Variants in CLSPN observed in about 807,000 individuals in gnomAD.
CLSPN encodes the protein claspin.
A neutral mutation model predicts 156.3 loss-of-function variants in CLSPN; 85 were observed. The ratio of observed to expected loss-of-function variants is 0.54; its 90% CI spans 0.46 to 0.65. The LOEUF (loss-of-function observed/expected upper bound fraction) is 0.65, where lower values mean the gene tolerates loss of function less well. Ranked by LOEUF, CLSPN falls within the 30% of genes least tolerant of loss-of-function variation. CLSPN has a pLI of 0.00. For synonymous variants in CLSPN, 534 were observed against 542.4 expected (o/e 0.98, Z 0.22); for missense variants, 1,407 against 1,554.9 (o/e 0.90, Z 1.60).
intron 8 of CLSPN, 107 bp downstream of exon 8, chr1:35,760,235 A>C (rs2148624974): frequency 1.2e-6 from 1 of 820,510 alleles, no homozygotes; most frequent in Middle Eastern, 2.3e-4. Context: ...GATAAGATCA[A>C]AGTGGTTATT....
At chr1:35,744,940 A>G (rs1182612492) in intron 16 of CLSPN, among the ~76,000 whole-genome samples, 1 of 152,060 alleles carries the variant, frequency 6.6e-6, no homozygotes, top group Admixed American at 6.5e-5. Flanking sequence ...CAGCCTCCCA[A>G]GTAGCTGGGA....
rs1290894382 is a variant in CLSPN, at chr1:35,738,535, GATC to G, written c.3475_3477del (p.Asp1159del). 9.3e-6 allele frequency: 15 copies of G among 1,613,776 alleles called. No homozygotes were observed. The highest frequency in any genetic ancestry group is 1.3e-5 in the Non-Finnish European group (15 of 1,179,864). ...GACTCATCAAGCTGTTCTTCAGTCT[GATC>G]ATCATCAGAGTCTCTGTGGAACAAG... On this transcript the variant is annotated inframe_deletion, in exon 21 of 25. Transcript: ENST00000318121.
exon 25 of CLSPN, chr1:35,720,930 G>C (rs1344577415): frequency 6.2e-7 from 1 of 1,612,298 alleles, no homozygotes; most frequent in South Asian, 1.1e-5. Flanking sequence ...AGAATCCAGG[G>C]ATAGGAGCTC....
At chr1:35,763,791 G>GT (rs377655769) in intron 3 of CLSPN, among the ~76,000 whole-genome samples, 24 of 140,374 alleles carry the variant, frequency 1.7e-4, no homozygotes, top group Admixed American at 7.6e-5. Flanking sequence ...TGTTTTTTTG[G>GT]TTTTTGTTTT....
intron 20 of CLSPN, 145 bp downstream of exon 20, chr1:35,738,991 G>A (rs1641588812): frequency 1.1e-6 from 1 of 891,986 alleles, no homozygotes; most frequent in Non-Finnish European, 1.7e-6. Context: ...AGTAGGGACG[G>A]GGTTTCACCA....
In CLSPN at chr1:35,743,161, A is replaced by C. The variant is rs760819417; in HGVS notation, c.3123T>G (p.Ser1041=). ...DDDEEELLKR[S]EKLKRQMRLR... is the part of the protein sequence containing the mutation. The stretch of plus-strand genomic sequence containing the variant: ...CGTACATTTGCCTTTTCAACTTCTC[A>C]GATCGCTTCAGGAGTTCTTCTTCAT... Residue 1041 remains serine (S), a synonymous_variant, in exon 18 of 25, where the codon TCT becomes TCG. Coordinates refer to ENST00000318121, the MANE Select transcript of CLSPN (RefSeq NM_022111.4). 1 of 1,613,890 alleles carries C rather than the reference A, an allele frequency of 6.2e-7. No homozygotes were observed.
intron 23 of CLSPN, 109 bp from the exon 24 acceptor site, chr1:35,737,184 T>C (rs1009938431): frequency 2.4e-4 from 305 of 1,262,760 alleles, no homozygotes; most frequent in Middle Eastern, 1.9e-3. Flanking sequence ...ATGCCTACCC[T>C]ATTCAAATAG....
At chr1:35,750,393 A>G (rs12735258) in intron 10 of CLSPN, among the ~76,000 whole-genome samples, 11,611 of 151,586 alleles carry the variant, frequency 0.077, 569 homozygotes, top group Non-Finnish European at 0.12. Context: ...TACAAAAAGG[A>G]AAGTTTTTTT....
chr1:35,757,801 T>C (rs1396663354), intron 8 of CLSPN, among the ~76,000 whole-genome samples: 1 of 152,200 alleles, frequency 6.6e-6, no homozygotes, highest in Non-Finnish European at 1.5e-5. Context: ...CACCTGAACC[T>C]CCAGCCCTGG....
At chr1:35,743,993 G>A (rs1335362432) in intron 16 of CLSPN, among the ~76,000 whole-genome samples, 1 of 152,106 alleles carries the variant, frequency 6.6e-6, no homozygotes, top group Non-Finnish European at 1.5e-5. Context: ...ATTTTCAATT[G>A]TGGTAAAATA....
In CLSPN at chr1:35,748,030, G is replaced by A. The variant is rs1335565149; in HGVS notation, c.2504C>T (p.Pro835Leu). ...SSGKLSEPSLPIEDSQDLYNA... is the reference protein window; with the variant it reads ...SSGKLSEPSLLIEDSQDLYNA... ...ATACAGATCCTGGGAATCCTCTATG[G>A]GAAGTGAAGGCTCAGACAGTTTCCC... The change falls in exon 14 of 25, where the codon CCC becomes CTC. Residue 835 changes from proline to leucine, a missense_variant. Pro to Leu is a moderately conservative substitution (Grantham distance 98, BLOSUM62 -3). Transcript: ENST00000318121. 2 of 1,613,580 alleles carry A rather than the reference G, an allele frequency of 1.2e-6. No individual in the cohort carries two copies. The highest frequency in any genetic ancestry group is 8.5e-7 in the Non-Finnish European group (1 of 1,179,858).
intron 8 of CLSPN, among the ~76,000 whole-genome samples, chr1:35,760,001 T>C (rs1329408004): frequency 6.6e-6 from 1 of 152,016 alleles, no homozygotes; most frequent in African/African-American, 2.4e-5. Context: ...GCCCGGCTAA[T>C]TTTTGTATTT....
chr1:35,766,961 G>A (rs1642699966), intron 1 of CLSPN, among the ~76,000 whole-genome samples: 5 of 151,616 alleles, frequency 3.3e-5, no homozygotes. Flanking sequence ...TAGCCAGGCT[G>A]GTCTCGAACT....
chr1:35,736,814 T>C (rs977013512), intron 24 of CLSPN, 100 bp downstream of exon 24: 7 of 1,400,988 alleles, frequency 5.0e-6, no homozygotes, highest in African/African-American at 4.3e-5. Flanking sequence ...GATTTCAACA[T>C]TGCAGCATAG....
Position 35,761,135 on chromosome 1 carries a change from G to C in CLSPN, c.965C>G (p.Pro322Arg). ...KTIHDFFKRK[P>R]RPTCHGNAMA... is the part of the protein sequence containing the mutation. The stretch of plus-strand genomic sequence containing the variant: ...GGCATTTCCGTGGCAAGTGGGCCGG[G>C]GTTTACGTTTGAAGAAATCATGAAT... The change falls in exon 7 of 25, where the codon CCC (proline) becomes CGC (arginine). Residue 322 changes from proline (P) to arginine (R), a missense_variant. Transcript: ENST00000318121. The C allele has an allele frequency of 1.2e-6, 2 of 1,613,644 alleles. No homozygotes were observed. The highest frequency in any genetic ancestry group is 1.3e-5 in the African/African-American group (1 of 75,018).
chr1:35,749,872 C>T (rs534090401), intron 10 of CLSPN, 61 bp from the exon 11 acceptor site: 3 of 1,547,448 alleles, frequency 1.9e-6, no homozygotes, highest in Middle Eastern at 2.1e-4. Flanking sequence ...AAAGCAAATA[C>T]ACTGGTAGCC....
intron 3 of CLSPN, among the ~76,000 whole-genome samples, chr1:35,763,982 T>G (rs1642574371): frequency 6.6e-6 from 1 of 152,068 alleles, no homozygotes; most frequent in Admixed American, 6.6e-5. Context: ...AAATTTTTTG[T>G]AGAGATGGGA....
intron 8 of CLSPN, among the ~76,000 whole-genome samples, chr1:35,757,724 C>T (rs905869090): frequency 4.6e-5 from 7 of 152,164 alleles, no homozygotes; most frequent in African/African-American, 9.7e-5. Flanking sequence ...CTCAGTGTTC[C>T]GGACAACAGC....
rs200428103 is a variant in CLSPN, at chr1:35,764,426, G to T, written c.422C>A (p.Ser141Tyr). 2 of 1,614,026 alleles carry T rather than the reference G, an allele frequency of 1.2e-6. No individual in the cohort carries two copies. The highest frequency in any genetic ancestry group is 1.3e-5 in the African/African-American group (1 of 75,044). ...CTTTCTGTCAGTGGTAAAGTCTGTAGAGTTTCCAGACTGAAGACTCAGCTC... is the reference window on the plus strand; with the variant it reads ...CTTTCTGTCAGTGGTAAAGTCTGTATAGTTTCCAGACTGAAGACTCAGCTC... ...CLELSLQSGN[S>Y]TDFTTDRKSS... is the part of the protein sequence containing the mutation. Residue 141 changes from serine to tyrosine, a missense_variant, in exon 3 of 25, where the codon TCT (serine) becomes TAT (tyrosine). By Grantham distance (144) the Ser-to-Tyr change is moderately radical. This residue lies in a region of CLSPN where 1,096 missense variants were observed against 1,193.0 expected (regional missense o/e 0.92). Transcript: ENST00000318121.
Sources: gnomAD v4.1 joint callset for allele counts (sites outside exome capture counted in the v4.1 genomes callset) on GRCh38, gnomAD v4.1.1 for gene constraint, gnomAD v4.1.1 regional missense constraint, MANE v1.5 for transcripts, NCBI Gene and HGNC (gene_info 2026-07-23, HGNC 2026-07-21) for gene names.